PKHD1: variants seen among roughly 807,000 people sequenced by gnomAD.
The protein encoded by PKHD1 is fibrocystin.
In PKHD1, 291 loss-of-function variants were observed where a neutral mutation model predicts 412.0. That is an observed-to-expected ratio of 0.71 (90% CI 0.64 to 0.78). The LOEUF is 0.78. PKHD1 is among the 30% of genes least tolerant of loss of function. The probability of loss-of-function intolerance (pLI) is 0.00; values close to 1 mark genes in which losing one functional copy is unlikely to be tolerated. For missense variants in PKHD1, 4,825 were observed against 4,950.7 expected (o/e 0.97, Z 0.76); for synonymous variants, 1,777 against 1,821.5 (o/e 0.98, Z 0.62).
At chr6:51,942,407 ACTATG>A (rs1788735136) in intron 36 of PKHD1, among the ~76,000 whole-genome samples, 1 of 151,614 alleles carries the variant, frequency 6.6e-6, no homozygotes, top group South Asian at 2.1e-4. Flanking sequence ...AAAACCATAA[ACTATG>A]CTTAACTCAC....
At chr6:52,037,066 A>G (rs989836808) in intron 27 of PKHD1, among the ~76,000 whole-genome samples, 7 of 152,194 alleles carry the variant, frequency 4.6e-5, no homozygotes, top group Admixed American at 2.0e-4. Context: ...AAAATAAAAT[A>G]TAGTCCAGAA....
chr6:51,850,088 G>A (rs999232486), intron 49 of PKHD1, among the ~76,000 whole-genome samples: 6 of 152,062 alleles, frequency 3.9e-5, no homozygotes, highest in African/African-American at 1.4e-4. Flanking sequence ...TAAGGAAGAG[G>A]TTCAGTTTCA....
chr6:51,682,098 G>A (rs1369628878), intron 60 of PKHD1: 3 of 382,300 alleles, frequency 7.8e-6, no homozygotes, highest in Non-Finnish European at 1.6e-5. Context: ...CATCAGGGTA[G>A]ACTAGGTTAG....
intron 55 of PKHD1, among the ~76,000 whole-genome samples, chr6:51,757,336 C>A (rs1787189564): frequency 6.6e-6 from 1 of 152,142 alleles, no homozygotes; most frequent in African/African-American, 2.4e-5. Flanking sequence ...TACACGATCA[C>A]ACATTTGTAA....
At chr6:51,665,746 T>C (rs934019540) in intron 60 of PKHD1, among the ~76,000 whole-genome samples, 3 of 152,282 alleles carry the variant, frequency 2.0e-5, no homozygotes, top group African/African-American at 7.2e-5. Flanking sequence ...GCTGAAGTGC[T>C]GTAGATAAGA....
In PKHD1 at chr6:51,748,329, A is replaced by G. The variant is rs1785514603; in HGVS notation, c.9287T>C (p.Val3096Ala). 6.2e-7 allele frequency: 1 copy of G among 1,614,054 alleles called. No individual in the cohort carries two copies. The highest frequency in any genetic ancestry group is 8.5e-7 in the Non-Finnish European group (1 of 1,179,968). Reference protein sequence around the residue: ...VKDINLHGNVVAGSERLGFHI... With the variant: ...VKDINLHGNVAAGSERLGFHI... The stretch of plus-strand genomic sequence containing the variant: ...AAAGCCAAGTCTCTCTGATCCTGCC[A>G]CAACGTTGCCATGGAGGTTGATGTC... The change falls in exon 58 of 67, where the codon GTG (valine) becomes GCG (alanine). Residue 3096 changes from valine (V) to alanine (A), a missense_variant. Val to Ala is a moderately conservative substitution (Grantham distance 64, BLOSUM62 0). Coordinates refer to ENST00000371117, the MANE Select transcript of PKHD1 (RefSeq NM_138694.4).
intron 19 of PKHD1, among the ~76,000 whole-genome samples, chr6:52,055,000 C>G (rs755682851): frequency 6.6e-6 from 1 of 152,358 alleles, no homozygotes; most frequent in South Asian, 2.1e-4. Flanking sequence ...AGCTGCACTT[C>G]TTTTACAAGG....
intron 60 of PKHD1, among the ~76,000 whole-genome samples, chr6:51,690,303 C>G (rs1425664211): frequency 3.2e-5 from 4 of 126,592 alleles, no homozygotes; most frequent in Non-Finnish European, 5.0e-5. Context: ...AAAAAAAGAA[C>G]TAGGGAAAAT....
intron 46 of PKHD1, among the ~76,000 whole-genome samples, chr6:51,881,686 G>A (rs537428685): frequency 2.6e-5 from 4 of 152,186 alleles, no homozygotes; most frequent in Non-Finnish European, 5.9e-5. Context: ...TACTAGGCAT[G>A]AACCTTAAAC....
intron 43 of PKHD1, among the ~76,000 whole-genome samples, chr6:51,892,982 C>T (rs7769794): frequency 0.079 from 11,961 of 152,156 alleles, 687 homozygotes; most frequent in African/African-American, 0.16. Context: ...ACAAACTTTC[C>T]CCAGGGAAGT....
At chr6:51,724,974 G>A (rs1224383682) in intron 60 of PKHD1, among the ~76,000 whole-genome samples, 1 of 152,122 alleles carries the variant, frequency 6.6e-6, no homozygotes, top group Non-Finnish European at 1.5e-5. Flanking sequence ...TGAGGTTATA[G>A]GAAGAAAAGG....
chr6:51,912,585 GC>G lies in PKHD1; in HGVS notation c.6122-10del. ...TACTTCTGGTAGTGAACCTAAAGCAGCCCGAGGAAAAGTTGTCCAGATAATT... is the reference window on the plus strand; with the variant it reads ...TACTTCTGGTAGTGAACCTAAAGCAGCCGAGGAAAAGTTGTCCAGATAATT... On this transcript the variant is annotated splice_polypyrimidine_tract_variant and intron_variant, in intron 37 of 66. Coordinates refer to ENST00000371117, the MANE Select transcript of PKHD1 (RefSeq NM_138694.4). 6.3e-7 allele frequency: 1 copy of G among 1,593,572 alleles called. No homozygotes were observed. Among genetic ancestry groups the G allele is most frequent in the Non-Finnish European group, 8.6e-7 (1 of 1,161,682 alleles).
At chr6:52,014,700 A>ATGGATG (rs1800264516) in intron 34 of PKHD1, among the ~76,000 whole-genome samples, 2 of 80,664 alleles carry the variant, frequency 2.5e-5, no homozygotes, top group African/African-American at 4.6e-5. Context: ...TATACTGGAT[A>ATGGATG]GATGGATGGA....
chr6:51,667,284 T>C (rs1171729286), intron 60 of PKHD1, among the ~76,000 whole-genome samples: 1 of 151,066 alleles, frequency 6.6e-6, no homozygotes, highest in Non-Finnish European at 1.5e-5. Context: ...TTTGCATTTC[T>C]CTAATGGCCA....
At chr6:52,040,855 A>G (rs960174563) in intron 27 of PKHD1, among the ~76,000 whole-genome samples, 1 of 152,140 alleles carries the variant, frequency 6.6e-6, no homozygotes, top group Non-Finnish European at 1.5e-5. Flanking sequence ...TTTTTATCCT[A>G]TACACTTACC....
intron 35 of PKHD1, among the ~76,000 whole-genome samples, chr6:51,973,695 ATT>A (rs1278969780): frequency 6.6e-6 from 1 of 152,134 alleles, no homozygotes; most frequent in Non-Finnish European, 1.5e-5. Context: ...TGCAAAATAC[ATT>A]TTCCAGAATT....
At position 51,934,231 on chromosome 6, in the gene PKHD1, G is replaced by T. The variant is rs780347387; in HGVS notation, c.6000C>A (p.Ser2000=). The T allele has an allele frequency of 1.2e-6, 2 of 1,613,748 alleles. No homozygotes were observed. ...VSDGGELRIG[S]EDKPFQGRAQ... Reference sequence around the variant, plus strand: ...CTCTGCCTTGGAAGGGCTTGTCTTCGGATCCAATCCGGAGCTCTCCACCAT... The same window carrying T: ...CTCTGCCTTGGAAGGGCTTGTCTTCTGATCCAATCCGGAGCTCTCCACCAT... Residue 2000 remains serine (S), a synonymous_variant, in exon 37 of 67, where the codon TCC becomes TCA. Coordinates refer to ENST00000371117, the MANE Select transcript of PKHD1 (RefSeq NM_138694.4).
chr6:52,082,472 C>A lies in PKHD1; in HGVS notation c.201G>T (p.Met67Ile). 6.2e-7 allele frequency: 1 copy of A among 1,614,070 alleles called. No homozygotes were observed. Residue 67 changes from methionine (M) to isoleucine (I), a missense_variant, in exon 4 of 67, where the codon ATG becomes ATT. Physicochemically the swap from Met to Ile is conservative, Grantham distance 10. Transcript: ENST00000371117. ...QLEIHLVNVN[M>I]VVPALRSVPC... The stretch of plus-strand genomic sequence containing the variant: ...GAACACTCCGCAGTGCGGGCACCAC[C>A]ATGTTCACGTTCACCAGGTGTATCT...
Position 51,744,405 on chromosome 6 carries a change from G to A in PKHD1, c.10136C>T (p.Thr3379Ile). ...SVFPKTEAEW[T>I]ASFFNAGTFR... ...CTTACCTGCGTTGAAGAAGGATGCAGTCCATTCTGCCTCTGTTTTAGGAAA... is the reference window on the plus strand; with the variant it reads ...CTTACCTGCGTTGAAGAAGGATGCAATCCATTCTGCCTCTGTTTTAGGAAA... Residue 3379 changes from threonine to isoleucine, a missense_variant, in exon 60 of 67, where the codon ACT (threonine) becomes ATT (isoleucine). Transcript: ENST00000371117. 5.0e-6 allele frequency: 8 copies of A among 1,613,930 alleles called. No homozygotes were observed. Among genetic ancestry groups the A allele is most frequent in the Middle Eastern group, 1.7e-4 (1 of 6,058 alleles).
Sources: allele counts gnomAD v4.1 joint callset (sites outside exome capture counted in the v4.1 genomes callset), GRCh38; gene constraint gnomAD v4.1.1; transcripts MANE v1.5; gene names NCBI Gene and HGNC (gene_info 2026-07-23, HGNC 2026-07-21).